Variants in FER observed in about 807,000 individuals in gnomAD.
FER encodes FER tyrosine kinase, also known as tyrosine-protein kinase Fer.
A neutral mutation model predicts 111.0 loss-of-function variants in FER; 63 were observed. That is an observed-to-expected ratio of 0.57 (90% CI 0.46 to 0.70). The LOEUF (loss-of-function observed/expected upper bound fraction) is 0.70. FER is among the 30% of genes least tolerant of loss of function. The pLI, the probability that FER is intolerant of heterozygous loss-of-function variation, is 0.00. For missense variants in FER, 914 were observed against 954.0 expected (o/e 0.96, Z 0.55); for synonymous variants, 327 against 313.9 (o/e 1.04, Z -0.44).
chr5:108,858,157 C>T (rs545843557), intron 5 of FER, among the ~76,000 whole-genome samples: 17 of 152,196 alleles, frequency 1.1e-4, no homozygotes, highest in South Asian at 6.2e-4. Flanking sequence ...GAGGGGTTCA[C>T]ATTGATACTT....
rs1178723629 is a variant in FER, at chr5:109,008,458, A to T, written c.1657-28964A>T. Among the ~76,000 whole-genome samples, 5 of 151,588 alleles carry T rather than the reference A, an allele frequency of 3.3e-5. No homozygotes were observed. The East Asian group carries it at 7.8e-4, about 24-fold the overall frequency. On this transcript the variant is annotated intron_variant, in intron 13 of 19. Coordinates refer to ENST00000281092, the MANE Select transcript of FER (RefSeq NM_005246.4). ...GAACCTGAAGAAGAAACACTTGCAC[A>T]CTCCACCAGCAGTTATTTTCACCTG...
intron 10 of FER, among the ~76,000 whole-genome samples, chr5:108,932,941 G>A (rs1400257353): frequency 1.3e-5 from 2 of 150,684 alleles, no homozygotes; most frequent in Non-Finnish European, 3.0e-5. Flanking sequence ...TAGCCCTGGG[G>A]TTGTTCTTTT....
chr5:108,760,316 A>G (rs1473876269), intron 1 of FER, among the ~76,000 whole-genome samples: 1 of 152,158 alleles, frequency 6.6e-6, no homozygotes, highest in Non-Finnish European at 1.5e-5. Context: ...ACTCTGCAAT[A>G]TTTAGAATGG....
intron 13 of FER, among the ~76,000 whole-genome samples, chr5:108,973,487 C>A (rs1255463431): frequency 1.3e-5 from 2 of 149,366 alleles, no homozygotes; most frequent in Admixed American, 6.7e-5. Flanking sequence ...AATGAAACTT[C>A]TTTTTGTTTT....
intron 3 of FER, among the ~76,000 whole-genome samples, chr5:108,808,153 ATTTCAGGTCAGAATTTCT>A (rs1757390385): frequency 6.6e-6 from 1 of 151,860 alleles, no homozygotes; most frequent in African/African-American, 2.4e-5. Context: ...CAAGTGTTGA[ATTTCAGGTCAGAATTTCT>A]TTCTTAGTTT....
At chr5:109,124,000 T>G (rs1751347346) in intron 17 of FER, among the ~76,000 whole-genome samples, 2 of 151,794 alleles carry the variant, frequency 1.3e-5, no homozygotes, top group South Asian at 4.2e-4. Flanking sequence ...GAGACCGAGG[T>G]AGATCACTGA....
intron 16 of FER, chr5:109,052,079 A>C: frequency 6.2e-7 from 1 of 1,603,746 alleles, no homozygotes; most frequent in Non-Finnish European, 8.5e-7. Context: ...ATCTGCTTCA[A>C]GTGCATCTCC....
In FER at chr5:108,985,725, A is replaced by G. The variant is rs565410294; in HGVS notation, c.1656+26378A>G. 3.3e-5 allele frequency among the ~76,000 whole-genome samples: 5 copies of G among 152,304 alleles called. No homozygotes were observed. The East Asian group carries it at 7.7e-4, about 23-fold the overall frequency. Reference sequence around the variant, plus strand: ...TTCCTCTGTTACTTCACTTAGAATAATGGTCCCCAGTTGCATCCAGGTGGC... The same window carrying G: ...TTCCTCTGTTACTTCACTTAGAATAGTGGTCCCCAGTTGCATCCAGGTGGC... On this transcript the variant is annotated intron_variant, in intron 13 of 19. Transcript: ENST00000281092.
intron 1 of FER, among the ~76,000 whole-genome samples, chr5:108,749,621 T>TTA (rs1750228702): frequency 6.6e-6 from 1 of 152,190 alleles, no homozygotes; most frequent in Admixed American, 6.5e-5. Flanking sequence ...TCTCCCGCTT[T>TTA]TATCCCCCAC....
intron 9 of FER, among the ~76,000 whole-genome samples, chr5:108,892,937 G>A (rs562591614): frequency 5.1e-4 from 78 of 152,178 alleles, no homozygotes; most frequent in African/African-American, 1.6e-3. Context: ...CCTTTCCCCA[G>A]TGCTTGTTTT....
rs532500033 is a variant in FER, at chr5:108,911,333, GTGT to G, written c.1236+13490_1236+13492del. On this transcript the variant is annotated intron_variant, in intron 10 of 19. Coordinates refer to ENST00000281092, the MANE Select transcript of FER (RefSeq NM_005246.4). ...TAATGGAGTTGTTCATTTTTTTCTTGTGTTGTTTCAGTTCCCTATAGATTCTGG... is the reference window on the plus strand; with the variant it reads ...TAATGGAGTTGTTCATTTTTTTCTTGTGTTTCAGTTCCCTATAGATTCTGG... Among the ~76,000 whole-genome samples the G allele has an allele frequency of 4.6e-5, 7 of 151,754 alleles. No homozygotes were observed. In the South Asian group the frequency reaches 1.5e-3, roughly 32 times the overall value.
chr5:108,843,581 G>A (rs888860870), intron 5 of FER, among the ~76,000 whole-genome samples: 4 of 150,210 alleles, frequency 2.7e-5, no homozygotes, highest in Admixed American at 6.6e-5. Flanking sequence ...CCAGGCTGGA[G>A]TGCAGTGGTG....
chr5:108,788,316 C>T (rs1432709139), intron 2 of FER, among the ~76,000 whole-genome samples: 1 of 152,072 alleles, frequency 6.6e-6, no homozygotes, highest in Non-Finnish European at 1.5e-5. Flanking sequence ...TGGACAGATC[C>T]CGCGCTTGCT....
chr5:108,926,165 TTTTTC>T (rs1753712406), intron 10 of FER, among the ~76,000 whole-genome samples: 2 of 151,630 alleles, frequency 1.3e-5, no homozygotes, highest in Non-Finnish European at 1.5e-5. Context: ...TTTATTAACT[TTTTTC>T]TTTTATATTA....
chr5:108,997,045 A>G lies in FER; in HGVS notation c.1656+37698A>G, dbSNP rs372459453. 1.2e-4 allele frequency among the ~76,000 whole-genome samples: 18 copies of G among 152,202 alleles called. No homozygotes were observed. The South Asian group carries it at 3.7e-3, about 32-fold the overall frequency. ...AGCAATTGTGAATGGGAGTTCACTC[A>G]TGATTTGGCTCTCTGTCTGTTATTG... On this transcript the variant is annotated intron_variant, in intron 13 of 19. Coordinates refer to ENST00000281092, the MANE Select transcript of FER (RefSeq NM_005246.4).
intron 17 of FER, among the ~76,000 whole-genome samples, chr5:109,124,116 C>T (rs74960397): frequency 2.0e-5 from 3 of 151,994 alleles, no homozygotes; most frequent in African/African-American, 7.3e-5. Context: ...GTAATCCCAG[C>T]TACAAAAGGC....
At chr5:109,064,098 C>G (rs986664692) in intron 16 of FER, among the ~76,000 whole-genome samples, 1 of 152,092 alleles carries the variant, frequency 6.6e-6, no homozygotes, top group African/African-American at 2.4e-5. Flanking sequence ...CCTTGGATTG[C>G]TTTAGTATTT....
chr5:108,937,075 A>G (rs1755569167), intron 10 of FER, among the ~76,000 whole-genome samples: 1 of 152,078 alleles, frequency 6.6e-6, no homozygotes, highest in African/African-American at 2.4e-5. Context: ...CAATAGTTCA[A>G]GTAAATATAT....
At chr5:108,794,526 A>AACC (rs1755778227) in intron 2 of FER, among the ~76,000 whole-genome samples, 1 of 106,350 alleles carries the variant, frequency 9.4e-6, no homozygotes, top group Non-Finnish European at 1.9e-5. Context: ...CCCCCTCCGC[A>AACC]CCCCCCCCCC....
Sources: allele counts gnomAD v4.1 joint callset (sites outside exome capture counted in the v4.1 genomes callset), GRCh38; gene constraint gnomAD v4.1.1; transcripts MANE v1.5; gene names NCBI Gene and HGNC (gene_info 2026-07-23, HGNC 2026-07-21).